Variants in NCALD observed in about 807,000 individuals in gnomAD.
The protein encoded by NCALD is neurocalcin delta.
In NCALD, 10 loss-of-function variants were observed where a neutral mutation model predicts 18.6. The ratio of observed to expected loss-of-function variants is 0.54; its 90% confidence interval spans 0.33 to 0.91. NCALD has a LOEUF of 0.91. Among genes scored for constraint, NCALD ranks in the 40% least tolerant of loss-of-function variants. The pLI, the probability that NCALD is intolerant of heterozygous loss-of-function variation, is 0.03. For missense variants in NCALD, 184 were observed against 247.6 expected, an observed-to-expected ratio of 0.74 and a Z score of 1.72; for synonymous variants, 88 against 87.4, an observed-to-expected ratio of 1.01 and a Z score of -0.04.
intron 2 of NCALD, among the ~76,000 whole-genome samples, chr8:101,970,491 A>T (rs1484050151): frequency 6.6e-6 from 1 of 152,084 alleles, no homozygotes; most frequent in Non-Finnish European, 1.5e-5. Flanking sequence ...TGTGGCCCCA[A>T]CCCAAAAAGC....
chr8:101,696,878 C>A (rs1251866174), intron 2 of NCALD, among the ~76,000 whole-genome samples: 3 of 151,932 alleles, frequency 2.0e-5, no homozygotes, highest in African/African-American at 7.3e-5. Context: ...TCTAACATCA[C>A]AATTAAAAGA....
chr8:102,103,275 A>C (rs1825346667), intron 1 of NCALD, among the ~76,000 whole-genome samples: 1 of 152,178 alleles, frequency 6.6e-6, no homozygotes, highest in South Asian at 2.1e-4. Context: ...AATCCTATTA[A>C]TAAGTTAACA....
At chr8:102,057,349 A>G (rs1352217265) in intron 1 of NCALD, among the ~76,000 whole-genome samples, 7 of 151,896 alleles carry the variant, frequency 4.6e-5, no homozygotes, top group Admixed American at 4.6e-4. Flanking sequence ...TTTCTTAATT[A>G]GTTATAAACT....
chr8:102,065,125 GA>G (rs1304621936), intron 1 of NCALD, among the ~76,000 whole-genome samples: 2 of 151,918 alleles, frequency 1.3e-5, no homozygotes, highest in Non-Finnish European at 2.9e-5. Context: ...CAGGAGTGGA[GA>G]AAGAAGAAAG....
chr8:101,916,383 A>G (rs1817971902), intron 2 of NCALD, among the ~76,000 whole-genome samples: 1 of 152,204 alleles, frequency 6.6e-6, no homozygotes, highest in Non-Finnish European at 1.5e-5. Flanking sequence ...AGTTCTAAAC[A>G]TGGAAACAAA....
At chr8:101,794,775 A>G (rs1199186854), upstream of NCALD, among the ~76,000 whole-genome samples, 4 of 152,254 alleles carry the variant, frequency 2.6e-5, no homozygotes, top group Non-Finnish European at 5.9e-5. Context: ...ACTGCATAGC[A>G]GAGCCAGGAT....
chr8:102,096,761 C>A (rs915582416), intron 1 of NCALD, among the ~76,000 whole-genome samples: 2 of 152,188 alleles, frequency 1.3e-5, no homozygotes, highest in Non-Finnish European at 2.9e-5. Context: ...TGTATCTGGG[C>A]TCTTGAGCCC....
At chr8:102,008,967 CAA>C (rs1491391544) in intron 2 of NCALD, among the ~76,000 whole-genome samples, 41 of 129,102 alleles carry the variant, frequency 3.2e-4, no homozygotes, top group Non-Finnish European at 4.5e-4. Context: ...CACACACACA[CAA>C]GCCCTAAAAG....
At chr8:101,909,586 T>C (rs1455644556) in intron 3 of NCALD, among the ~76,000 whole-genome samples, 1 of 152,192 alleles carries the variant, frequency 6.6e-6, no homozygotes, top group Non-Finnish European at 1.5e-5. Flanking sequence ...AATTATCTCA[T>C]TGAATTTTCA....
At chr8:102,106,949 A>C (rs1825476141) in intron 1 of NCALD, among the ~76,000 whole-genome samples, 1 of 151,954 alleles carries the variant, frequency 6.6e-6, no homozygotes, top group Admixed American at 6.6e-5. Context: ...GTTGGAAAGA[A>C]AATTCACCTG....
chr8:101,880,235 G>T (rs895823167), intron 4 of NCALD, among the ~76,000 whole-genome samples: 17 of 152,306 alleles, frequency 1.1e-4, no homozygotes, highest in African/African-American at 1.4e-4. Flanking sequence ...ACAGCTGCTG[G>T]CCCTGGTGCT....
intron 1 of NCALD, chr8:101,746,143 A>T (rs1810416433): frequency 6.6e-6 from 1 of 152,204 alleles, no homozygotes; most frequent in Admixed American, 6.5e-5. Flanking sequence ...TTGGGGAGAG[A>T]AAGTCATTGA....
At chr8:102,082,285 T>C (rs1824574013) in intron 1 of NCALD, among the ~76,000 whole-genome samples, 1 of 132,168 alleles carries the variant, frequency 7.6e-6, no homozygotes, top group Non-Finnish European at 1.5e-5. Context: ...CAGGCTGGAG[T>C]GCAGTGGCGC....
At chr8:101,703,745 A>T (rs1360754884) in intron 2 of NCALD, among the ~76,000 whole-genome samples, 2 of 152,212 alleles carry the variant, frequency 1.3e-5, no homozygotes, top group African/African-American at 4.8e-5. Flanking sequence ...TGGAGACACT[A>T]AAGTGGCTAG....
At chr8:101,787,425 C>A (rs1013775219) in intron 1 of NCALD, among the ~76,000 whole-genome samples, 5 of 152,174 alleles carry the variant, frequency 3.3e-5, no homozygotes, top group Non-Finnish European at 5.9e-5. Flanking sequence ...TAAACAACAG[C>A]TTGTGCAAAA....
chr8:101,867,122 C>T (rs1815803569), intron 4 of NCALD, among the ~76,000 whole-genome samples: 2 of 152,182 alleles, frequency 1.3e-5, no homozygotes, highest in African/African-American at 2.4e-5. Context: ...CTCGTCCTGG[C>T]ATGGTCTCCC....
chr8:101,936,704 T>C (rs1818776920), intron 2 of NCALD, among the ~76,000 whole-genome samples: 1 of 150,850 alleles, frequency 6.6e-6, no homozygotes, highest in Non-Finnish European at 1.5e-5. Context: ...ATTTGCTTGT[T>C]TGTTTGTTTA....
chr8:101,848,575 T>C (rs73696517), intron 4 of NCALD, among the ~76,000 whole-genome samples: 3,659 of 152,222 alleles, frequency 0.024, 150 homozygotes, highest in African/African-American at 0.082. Context: ...ATCTATGGGT[T>C]TTATATGGAG....
intron 1 of NCALD, among the ~76,000 whole-genome samples, chr8:102,055,933 C>T (rs1823634830): frequency 6.6e-6 from 1 of 152,158 alleles, no homozygotes; most frequent in Non-Finnish European, 1.5e-5. Flanking sequence ...TCACAGGGAG[C>T]TCATGGTCGG....
Sources: gnomAD v4.1 joint callset for allele counts (sites outside exome capture counted in the v4.1 genomes callset) on GRCh38, gnomAD v4.1.1 for gene constraint, MANE v1.5 for transcripts, NCBI Gene and HGNC (gene_info 2026-07-23, HGNC 2026-07-21) for gene names.